The following IPP variants were observed in gnomAD, a reference collection of about 807,000 sequenced individuals.
The protein encoded by IPP is actin-binding protein IPP.
A neutral mutation model predicts 64.1 loss-of-function variants in IPP; 41 were observed. That is an observed-to-expected ratio of 0.64 (90% CI 0.50 to 0.83). The LOEUF is 0.83. Among genes scored for constraint, IPP ranks in the 40% least tolerant of loss-of-function variants. The pLI, the probability that IPP is intolerant of heterozygous loss-of-function variation, is 0.00. For synonymous variants in IPP, 214 were observed against 235.2 expected (o/e 0.91, Z 0.83); for missense variants, 649 against 703.0 (o/e 0.92, Z 0.87).
intron 5 of IPP, among the ~76,000 whole-genome samples, chr1:45,720,035 A>T (rs1645711894): frequency 3.3e-5 from 5 of 151,912 alleles, no homozygotes; most frequent in Admixed American, 3.3e-4. Context: ...AAATGAAAAA[A>T]TTTTAAAAAG....
At chr1:45,721,621 T>G (rs943164417) in intron 5 of IPP, among the ~76,000 whole-genome samples, 1 of 152,254 alleles carries the variant, frequency 6.6e-6, no homozygotes, top group Non-Finnish European at 1.5e-5. Flanking sequence ...AAATCTTAGC[T>G]GTGGAGACAA....
At chr1:45,710,333 T>C (rs1411359653) in intron 8 of IPP, among the ~76,000 whole-genome samples, 2 of 129,164 alleles carry the variant, frequency 1.5e-5, no homozygotes, top group African/African-American at 5.5e-5. Context: ...AGTAAACATA[T>C]GGGTAATTAT....
chr1:45,718,955 G>A (rs933592209), intron 6 of IPP, among the ~76,000 whole-genome samples: 67 of 151,644 alleles, frequency 4.4e-4, no homozygotes, highest in Non-Finnish European at 5.7e-4. Flanking sequence ...GTGCAACAGG[G>A]TGACTATAGT....
chr1:45,713,417 A>C (rs889717528), intron 8 of IPP, among the ~76,000 whole-genome samples: 13 of 152,108 alleles, frequency 8.5e-5, no homozygotes, highest in African/African-American at 3.1e-4. Context: ...AAAACTAGCC[A>C]GGTATGGTGG....
chr1:45,714,839 T>C (rs1645636705), intron 7 of IPP, among the ~76,000 whole-genome samples: 1 of 152,128 alleles, frequency 6.6e-6, no homozygotes, highest in Admixed American at 6.6e-5. Context: ...GGGAATTACA[T>C]GGCCCTCTTT....
intron 5 of IPP, among the ~76,000 whole-genome samples, chr1:45,725,023 T>G (rs1353320664): frequency 1.6e-5 from 2 of 121,724 alleles, no homozygotes; most frequent in Admixed American, 8.5e-5. Flanking sequence ...GGTGGGGGGG[T>G]CAGCCCCCCG....
intron 5 of IPP, among the ~76,000 whole-genome samples, chr1:45,720,815 C>T (rs1236383375): frequency 3.9e-5 from 6 of 152,116 alleles, no homozygotes; most frequent in Non-Finnish European, 7.4e-5. Context: ...TGCCCTACTG[C>T]ATATTATCCA....
downstream of IPP, chr1:45,697,416 A>C (rs1204675634): frequency 1.3e-5 from 2 of 151,822 alleles, no homozygotes; most frequent in Non-Finnish European, 2.9e-5. Flanking sequence ...ACCTGCTGCC[A>C]ATTTTTTGTA....
intron 3 of IPP, 122 bp from the exon 4 acceptor site, chr1:45,729,891 G>T (rs1272282083): frequency 8.0e-6 from 5 of 621,300 alleles, no homozygotes; most frequent in Non-Finnish European, 1.4e-5. Context: ...ATCAAACAAT[G>T]GTGTTTGTTT....
At chr1:45,749,884 CA>C (rs199809117) in intron 1 of IPP, among the ~76,000 whole-genome samples, 1 of 151,586 alleles carries the variant, frequency 6.6e-6, no homozygotes, top group Non-Finnish European at 1.5e-5. Context: ...CCCCCCGCCG[CA>C]AAAAAAATTG....
At chr1:45,722,678 G>A (rs1435751779) in intron 5 of IPP, among the ~76,000 whole-genome samples, 1 of 152,052 alleles carries the variant, frequency 6.6e-6, no homozygotes, top group Non-Finnish European at 1.5e-5. Flanking sequence ...CTACTCCTAA[G>A]TATATACCCA....
intron 5 of IPP, among the ~76,000 whole-genome samples, chr1:45,725,244 C>T (rs1258992817): frequency 7.5e-6 from 1 of 133,510 alleles, no homozygotes; most frequent in Non-Finnish European, 1.6e-5. Context: ...CCAGCCGCCC[C>T]GTCCGGGAGG....
At chr1:45,746,098 G>A in intron 2 of IPP, 22 bp downstream of exon 2, 1 of 1,584,306 alleles carries the variant, frequency 6.3e-7, no homozygotes, top group East Asian at 2.2e-5. Context: ...TTCAGTCAAA[G>A]CAACAGACTC....
chr1:45,724,312 G>A (rs1414158507), intron 5 of IPP, among the ~76,000 whole-genome samples: 7 of 151,736 alleles, frequency 4.6e-5, no homozygotes. Context: ...GGAGTGCAGT[G>A]GCGTGATCTC....
intron 5 of IPP, 29 bp from the exon 6 acceptor site, chr1:45,719,369 T>C (rs1483979184): frequency 1.4e-6 from 2 of 1,455,410 alleles, no homozygotes. Context: ...ACAAATATTA[T>C]AAAGTTTAGT....
intron 1 of IPP, among the ~76,000 whole-genome samples, chr1:45,748,579 G>A (rs1646172212): frequency 6.6e-6 from 1 of 152,180 alleles, no homozygotes; most frequent in Non-Finnish European, 1.5e-5. Context: ...GGCTGAGGTG[G>A]GAGGACCACC....
At chr1:45,716,322 G>A (rs762615402) in intron 7 of IPP, among the ~76,000 whole-genome samples, 7 of 152,194 alleles carry the variant, frequency 4.6e-5, no homozygotes, top group Non-Finnish European at 1.0e-4. Flanking sequence ...CTCGCTCACT[G>A]CAACCTCTGC....
At chr1:45,725,924 C>T (rs1645818929) in intron 5 of IPP, among the ~76,000 whole-genome samples, 2 of 131,506 alleles carry the variant, frequency 1.5e-5, no homozygotes, top group African/African-American at 5.6e-5. Flanking sequence ...ACTCCCTAAT[C>T]TCAAGTACCC....
In IPP at chr1:45,727,754, C is replaced by G. The variant is rs1368457584; in HGVS notation, c.925G>C (p.Ala309Pro). ...TCAAAACGTTCTACACAGCTGAGGG[C>G]TCTGCTATCACTCCAGCGACCCCCC... ...LQGGRWSDSR[A>P]LSCVERFDTF... Residue 309 changes from alanine to proline, a missense_variant, in exon 5 of 9, where the codon GCC becomes CCC. Coordinates refer to ENST00000396478, the MANE Select transcript of IPP (RefSeq NM_005897.3). 5.1e-6 allele frequency: 8 copies of G among 1,582,672 alleles called. No homozygotes were observed. The highest frequency in any genetic ancestry group is 6.9e-6 in the Non-Finnish European group (8 of 1,156,724).
Sources: allele counts gnomAD v4.1 joint callset (sites outside exome capture counted in the v4.1 genomes callset), GRCh38; gene constraint gnomAD v4.1.1; transcripts MANE v1.5; gene names NCBI Gene and HGNC (gene_info 2026-07-23, HGNC 2026-07-21).